SAMMSON: variants seen among roughly 807,000 people sequenced by gnomAD.
SAMMSON encodes the protein long intergenic non-protein coding RNA 1212.
chr3:70,433,391 A>G (rs933726389), intron 2 of SAMMSON, among the ~76,000 whole-genome samples: 2 of 152,060 alleles, frequency 1.3e-5, no homozygotes, highest in Non-Finnish European at 2.9e-5. Context: ...TTGATTTGCA[A>G]TTCCCTGATA....
rs1576132468 is a variant in SAMMSON at position 70,138,906 on chromosome 3, G to T, written n.507+67341G>T. On this transcript the variant is annotated intron_variant and non_coding_transcript_variant, in intron 4 of 9. Coordinates refer to ENST00000642114, the Ensembl canonical transcript of SAMMSON. ...TAAGTAAAAAAGCTTTTTAGAGACA[G>T]AGTCTCACACTGTCACCCAGGCAGG... 2.0e-5 allele frequency among the ~76,000 whole-genome samples: 3 copies of T among 152,280 alleles called. No homozygotes were observed. The South Asian group carries it at 6.2e-4, about 32-fold the overall frequency.
chr3:70,291,878 A>G (rs895986024), intron 7 of SAMMSON: 2 of 152,146 alleles, frequency 1.3e-5, no homozygotes, highest in Non-Finnish European at 2.9e-5. Flanking sequence ...AGAATGTAGG[A>G]GTCTAATATT....
chr3:70,286,034 T>C (rs1402036443), intron 6 of SAMMSON, among the ~76,000 whole-genome samples: 1 of 152,134 alleles, frequency 6.6e-6, no homozygotes, highest in Non-Finnish European at 1.5e-5. Flanking sequence ...TGGTAGTTTC[T>C]TTTGCTGTGC....
At chr3:70,355,316 T>TC (rs1702821377) in intron 8 of SAMMSON, among the ~76,000 whole-genome samples, 1 of 152,050 alleles carries the variant, frequency 6.6e-6, no homozygotes, top group African/African-American at 2.4e-5. Context: ...CAGGAAATCT[T>TC]CCAACAAGGA....
intron 4 of SAMMSON, among the ~76,000 whole-genome samples, chr3:70,152,982 T>G (rs2067577467): frequency 6.6e-6 from 1 of 152,038 alleles, no homozygotes; most frequent in African/African-American, 2.4e-5. Context: ...TGAATTTCAG[T>G]AGAAGTGTCT....
chr3:70,065,699 C>T (rs1239013531), intron 3 of SAMMSON, among the ~76,000 whole-genome samples: 5 of 151,924 alleles, frequency 3.3e-5, no homozygotes, highest in Admixed American at 3.3e-4. Context: ...ATTTGCATCT[C>T]GTGGGTAGAA....
chr3:70,312,274 A>G (rs1702460833), intron 7 of SAMMSON, among the ~76,000 whole-genome samples: 1 of 152,236 alleles, frequency 6.6e-6, no homozygotes, highest in South Asian at 2.1e-4. Flanking sequence ...ATTTGTAAGA[A>G]ACAAACAAAC....
At chr3:70,228,610 T>A (rs1159948039) in intron 4 of SAMMSON, among the ~76,000 whole-genome samples, 1 of 151,618 alleles carries the variant, frequency 6.6e-6, no homozygotes, top group African/African-American at 2.4e-5. Flanking sequence ...TGGAACCTGA[T>A]GAAACATTTA....
intron 6 of SAMMSON, among the ~76,000 whole-genome samples, chr3:70,269,826 G>A (rs376920614): frequency 5.7e-4 from 86 of 152,108 alleles, no homozygotes; most frequent in Admixed American, 4.7e-3. Flanking sequence ...ATCTCATTTC[G>A]AAAACAAAGG....
chr3:70,107,164 C>G (rs1294264425), intron 4 of SAMMSON, among the ~76,000 whole-genome samples: 1 of 152,142 alleles, frequency 6.6e-6, no homozygotes, highest in East Asian at 1.9e-4. Flanking sequence ...AAGACACACC[C>G]AAATTAAATG....
intron 4 of SAMMSON, among the ~76,000 whole-genome samples, chr3:70,087,292 A>G (rs1445021114): frequency 6.6e-6 from 1 of 152,202 alleles, no homozygotes; most frequent in Non-Finnish European, 1.5e-5. Flanking sequence ...CTGCAAATAA[A>G]CATTAGCTTA....
At chr3:70,042,706 C>T (rs56053069) in intron 3 of SAMMSON, among the ~76,000 whole-genome samples, 9 of 152,198 alleles carry the variant, frequency 5.9e-5, no homozygotes, top group African/African-American at 2.2e-4. Flanking sequence ...TCCACCTTGA[C>T]AAAGTCAAGG....
intron 2 of SAMMSON, among the ~76,000 whole-genome samples, chr3:70,397,599 G>A (rs1488368081): frequency 6.6e-6 from 1 of 151,990 alleles, no homozygotes; most frequent in Non-Finnish European, 1.5e-5. Flanking sequence ...GTGTGATTTC[G>A]GATTAACAAT....
intron 4 of SAMMSON, among the ~76,000 whole-genome samples, chr3:70,133,263 T>C (rs2106675503): frequency 6.6e-6 from 1 of 152,196 alleles, no homozygotes. Flanking sequence ...TACCAATGGC[T>C]GATGATTTAA....
At chr3:70,349,545 A>C (rs1237606843) in intron 7 of SAMMSON, among the ~76,000 whole-genome samples, 3 of 152,156 alleles carry the variant, frequency 2.0e-5, no homozygotes, top group Non-Finnish European at 4.4e-5. Context: ...AACTATAATG[A>C]GGGGTATTGA....
At chr3:70,393,978 G>A (rs10510995), downstream of SAMMSON, among the ~76,000 whole-genome samples, 13,241 of 152,164 alleles carry the variant, frequency 0.087, 707 homozygotes, top group African/African-American at 0.16. Flanking sequence ...GGAGGCATGC[G>A]CACAAGTGTC....
chr3:70,288,872 G>A (rs1702196315), intron 6 of SAMMSON, among the ~76,000 whole-genome samples: 1 of 151,450 alleles, frequency 6.6e-6, no homozygotes, highest in African/African-American at 2.4e-5. Context: ...TCAGAGACTA[G>A]GATTGCAACC....
intron 2 of SAMMSON, among the ~76,000 whole-genome samples, chr3:70,399,596 T>C (rs1701122229): frequency 6.6e-6 from 1 of 152,090 alleles, no homozygotes; most frequent in African/African-American, 2.4e-5. Flanking sequence ...CCAGACATGG[T>C]GGCTCATGCC....
intron 7 of SAMMSON, among the ~76,000 whole-genome samples, chr3:70,308,312 C>T (rs1202156817): frequency 6.6e-6 from 1 of 151,988 alleles, no homozygotes; most frequent in Non-Finnish European, 1.5e-5. Flanking sequence ...TTCCCATCTT[C>T]TCCAAAAGTG....
Sources: allele counts gnomAD v4.1 joint callset (sites outside exome capture counted in the v4.1 genomes callset), GRCh38; gene constraint gnomAD v4.1.1; transcripts MANE v1.5; gene names NCBI Gene and HGNC (gene_info 2026-07-23, HGNC 2026-07-21).